NAALADL2: variants seen among roughly 807,000 people sequenced by gnomAD.
NAALADL2 encodes the protein N-acetylated alpha-linked acidic dipeptidase like 2.
NAALADL2 carries 76 observed loss-of-function variants against 87.2 expected under a neutral mutation model. The observed-to-expected ratio is 0.87, with a 90% CI of 0.72 to 1.05. The LOEUF (loss-of-function observed/expected upper bound fraction) is 1.05. Among genes scored for constraint, NAALADL2 ranks in the 50% least tolerant of loss-of-function variants. The pLI, the probability that NAALADL2 is intolerant of heterozygous loss-of-function variation, is 0.00. For synonymous variants in NAALADL2, 354 were observed against 331.0 expected (o/e 1.07, Z -0.75); for missense variants, 1,089 against 945.8 (o/e 1.15, Z -1.99).
In NAALADL2 at chr3:175,261,638, G is replaced by A. The variant is rs770902575; in HGVS notation, c.939+5108G>A. The stretch of plus-strand genomic sequence containing the variant: ...CTTTCTGTAATATACTAAGATATTA[G>A]TCAATATTAGCTAGTTTTTTCATTA... On this transcript the variant is annotated intron_variant, in intron 4 of 13. Transcript: ENST00000454872. Among the ~76,000 whole-genome samples, 9 of 151,988 alleles carry A rather than the reference G, an allele frequency of 5.9e-5. No homozygotes were observed. In the South Asian group the frequency reaches 1.5e-3, roughly 25 times the overall value.
At chr3:174,842,644 C>T (rs531518621) in intron 3 of NAALADL2, among the ~76,000 whole-genome samples, 17 of 152,252 alleles carry the variant, frequency 1.1e-4, no homozygotes, top group Non-Finnish European at 1.5e-4. Context: ...GTGTTATTCA[C>T]AGCAGATAAT....
chr3:174,688,058 T>G (rs1404739363), intron 2 of NAALADL2, among the ~76,000 whole-genome samples: 1 of 152,126 alleles, frequency 6.6e-6, no homozygotes, highest in Non-Finnish European at 1.5e-5. Context: ...TAATACATAA[T>G]TTTATATCTT....
rs1161831796 is a variant in NAALADL2 at position 175,182,550 on chromosome 3, G to GTTTTTTTTTTTT, written c.546-51364_546-51353dup. Reference sequence around the variant, plus strand: ...CTATAAGTCCATGACACCACAGCCAGTTTTTTTTTTTTTTTTTTTTTTTTT... The same window carrying GTTTTTTTTTTTT: ...CTATAAGTCCATGACACCACAGCCAGTTTTTTTTTTTTTTTTTTTTTTTTTTTTTTTTTTTTT... On this transcript the variant is annotated intron_variant, in intron 2 of 13. Transcript: ENST00000454872. Among the ~76,000 whole-genome samples the GTTTTTTTTTTTT allele has an allele frequency of 2.0e-4, 14 of 69,474 alleles. 1 individual carries two copies. The highest frequency in any genetic ancestry group is 4.8e-4 in the African/African-American group (8 of 16,732). 45.6% of individuals were successfully genotyped at this position (69,474 alleles called of 152,430 possible).
chr3:175,651,006 T>C (rs1340843190), intron 11 of NAALADL2, among the ~76,000 whole-genome samples: 2 of 152,180 alleles, frequency 1.3e-5, no homozygotes, highest in East Asian at 1.9e-4. Context: ...ACAAGGATTG[T>C]TGGGAATACA....
At chr3:175,777,147 G>T (rs1750357395) in intron 13 of NAALADL2, among the ~76,000 whole-genome samples, 1 of 151,486 alleles carries the variant, frequency 6.6e-6, no homozygotes, top group Non-Finnish European at 1.5e-5. Flanking sequence ...AGTTGGAAAA[G>T]GTCTATTTTG....
chr3:175,756,084 C>T (rs1305352174), intron 13 of NAALADL2, among the ~76,000 whole-genome samples: 1 of 152,026 alleles, frequency 6.6e-6, no homozygotes, highest in Non-Finnish European at 1.5e-5. Context: ...ACCCATCAAT[C>T]ATCATAAAAC....
intron 2 of NAALADL2, among the ~76,000 whole-genome samples, chr3:174,564,444 A>G (rs1296777816): frequency 6.6e-6 from 1 of 152,090 alleles, no homozygotes; most frequent in Non-Finnish European, 1.5e-5. Flanking sequence ...AAACCCGGGG[A>G]ACCCTACAGT....
chr3:175,313,191 C>T (rs148581799), intron 4 of NAALADL2, among the ~76,000 whole-genome samples: 2 of 152,158 alleles, frequency 1.3e-5, no homozygotes, highest in Admixed American at 6.6e-5. Context: ...ACCCATTCGA[C>T]CTCATTTAAC....
intron 2 of NAALADL2, among the ~76,000 whole-genome samples, chr3:174,674,373 T>C (rs1294897786): frequency 2.0e-5 from 3 of 151,998 alleles, no homozygotes; most frequent in African/African-American, 7.2e-5. Context: ...CATATCAGCA[T>C]GTCTAAAAGG....
intron 9 of NAALADL2, among the ~76,000 whole-genome samples, chr3:175,568,875 G>A (rs1277835974): frequency 6.6e-6 from 1 of 152,102 alleles, no homozygotes; most frequent in African/African-American, 2.4e-5. Context: ...TTCCAAATTA[G>A]CAATAAGTTC....
chr3:175,359,905 C>T (rs1194556069), intron 5 of NAALADL2, among the ~76,000 whole-genome samples: 1 of 152,124 alleles, frequency 6.6e-6, no homozygotes, highest in African/African-American at 2.4e-5. Flanking sequence ...CTTTTCTGAA[C>T]TCTCCAGCCA....
At chr3:175,170,658 A>G (rs1365225723) in intron 2 of NAALADL2, among the ~76,000 whole-genome samples, 11 of 151,296 alleles carry the variant, frequency 7.3e-5, no homozygotes, top group Admixed American at 6.6e-4. Context: ...ATGGACATTC[A>G]TATAGAAGAA....
intron 9 of NAALADL2, among the ~76,000 whole-genome samples, chr3:175,506,749 C>A (rs1422965844): frequency 6.6e-6 from 1 of 152,152 alleles, no homozygotes; most frequent in Non-Finnish European, 1.5e-5. Context: ...TTTAAATATA[C>A]TTCATAGATA....
At chr3:175,793,476 A>T (rs1307417457) in intron 13 of NAALADL2, among the ~76,000 whole-genome samples, 4 of 145,368 alleles carry the variant, frequency 2.8e-5, no homozygotes, top group African/African-American at 7.5e-5. Context: ...CGCCCGGCTA[A>T]TTTTTTTTTT....
At chr3:174,766,260 GA>G (rs1425798001) in intron 3 of NAALADL2, among the ~76,000 whole-genome samples, 1 of 152,214 alleles carries the variant, frequency 6.6e-6, no homozygotes. Context: ...TACTTCCTTT[GA>G]TGGGGCTGTT....
At chr3:175,661,734 A>G (rs1007393814) in intron 11 of NAALADL2, among the ~76,000 whole-genome samples, 2 of 152,002 alleles carry the variant, frequency 1.3e-5, no homozygotes, top group South Asian at 4.1e-4. Context: ...TCCCAACACT[A>G]CTTATTGAAA....
At chr3:175,683,680 A>C (rs1735907444) in intron 11 of NAALADL2, among the ~76,000 whole-genome samples, 1 of 152,014 alleles carries the variant, frequency 6.6e-6, no homozygotes. Flanking sequence ...ATTTGAATAA[A>C]TGAGTTAAAT....
At chr3:175,760,353 C>T (rs944980778) in intron 13 of NAALADL2, among the ~76,000 whole-genome samples, 37 of 152,082 alleles carry the variant, frequency 2.4e-4, no homozygotes, top group African/African-American at 8.7e-4. Context: ...ACTATTAAGC[C>T]TCACAGCCTC....
intron 3 of NAALADL2, among the ~76,000 whole-genome samples, chr3:174,811,610 A>G (rs1720220175): frequency 6.6e-6 from 1 of 152,070 alleles, no homozygotes; most frequent in South Asian, 2.1e-4. Flanking sequence ...TTATTTTATG[A>G]GCTCATAGGT....
Sources: allele counts gnomAD v4.1 joint callset (sites outside exome capture counted in the v4.1 genomes callset), GRCh38; gene constraint gnomAD v4.1.1; transcripts MANE v1.5; gene names NCBI Gene and HGNC (gene_info 2026-07-23, HGNC 2026-07-21).